Variants in ARRB1 observed in about 807,000 individuals in gnomAD.
The protein encoded by ARRB1 is arrestin beta 1.
ARRB1 carries 21 observed loss-of-function variants against 56.8 expected under a neutral mutation model. The observed-to-expected ratio is 0.37, with a 90% CI of 0.26 to 0.53. The LOEUF is 0.53. Among genes scored for constraint, ARRB1 ranks in the 20% least tolerant of loss-of-function variants. The pLI is 0.88. For missense variants in ARRB1, 424 were observed against 553.7 expected (o/e 0.77, Z 2.35); for synonymous variants, 210 against 218.6 (o/e 0.96, Z 0.35).
Position 75,272,258 on chromosome 11 carries a change from TTAAG to T in ARRB1, c.999-538_999-535del, listed in dbSNP as rs373001515. Among the ~76,000 whole-genome samples, 123 of 152,338 alleles carry T rather than the reference TTAAG, an allele frequency of 8.1e-4. No homozygotes were observed. The South Asian group carries it at 0.016, about 20-fold the overall frequency. On this transcript the variant is annotated intron_variant, in intron 12 of 15. Transcript: ENST00000420843. ...CAATCTTTTCATAGAAATTTATGAA[TTAAG>T]TTACAAAAAAGAAACACAGTAGTTT... is the stretch of plus-strand genomic sequence containing the variant.
intron 1 of ARRB1, among the ~76,000 whole-genome samples, chr11:75,305,703 C>A (rs1251854192): frequency 6.6e-6 from 1 of 152,158 alleles, no homozygotes; most frequent in East Asian, 1.9e-4. Flanking sequence ...CAGCACCAGC[C>A]TGCTGTATGG....
chr11:75,267,562 A>G (rs1945953973), intron 15 of ARRB1, 90 bp downstream of exon 15: 2 of 1,337,690 alleles, frequency 1.5e-6, no homozygotes, highest in Non-Finnish European at 1.0e-6. Flanking sequence ...GCGGCTCCTC[A>G]GGAGTTAATA....
chr11:75,277,483 A>G, intron 8 of ARRB1, 35 bp from the exon 9 acceptor site: 1 of 1,580,762 alleles, frequency 6.3e-7, no homozygotes, highest in South Asian at 1.1e-5. Context: ...GTTGGCTGGG[A>G]GGACAGCAAG....
chr11:75,322,638 C>A (rs1019588678), intron 1 of ARRB1, among the ~76,000 whole-genome samples: 9 of 152,206 alleles, frequency 5.9e-5, no homozygotes, highest in African/African-American at 2.2e-4. Context: ...AAGGCCAGAT[C>A]AGAAGTGTGG....
rs1299055298 is a variant in ARRB1 at position 75,312,157 on chromosome 11, C to A, written c.21-22118G>T. The stretch of plus-strand genomic sequence containing the variant: ...GCCTCTCCCTTCTCCTTCCTCCACC[C>A]TCGCCCTCCCCGGGGAGTGGTGAGC... On this transcript the variant is annotated intron_variant, in intron 1 of 15. Transcript: ENST00000420843. 6 of 1,289,050 alleles carry A rather than the reference C, an allele frequency of 4.7e-6. No individual in the cohort carries two copies. In the East Asian group the frequency reaches 3.3e-4, roughly 72 times the overall value. The allele number at this position is 1,289,050 out of a possible 1,614,324, so 79.9% of individuals were successfully genotyped here. A position where few individuals can be genotyped will look rare whatever the true frequency, so the allele number is the denominator to read the frequency against.
At chr11:75,282,197 G>A (rs72556396) in intron 5 of ARRB1, 176 bp from the exon 6 acceptor site, 2 of 601,030 alleles carry the variant, frequency 3.3e-6, no homozygotes, top group Non-Finnish European at 5.9e-6. Context: ...TAGATAAAGA[G>A]CTTTCTTTAT....
chr11:75,316,120 G>T (rs933192455), intron 1 of ARRB1, among the ~76,000 whole-genome samples: 1 of 152,158 alleles, frequency 6.6e-6, no homozygotes, highest in African/African-American at 2.4e-5. Context: ...CTGAGATCAG[G>T]AGTTCAAGAC....
intron 1 of ARRB1, among the ~76,000 whole-genome samples, chr11:75,327,700 T>C (rs1054073965): frequency 6.6e-6 from 1 of 151,900 alleles, no homozygotes; most frequent in Admixed American, 6.6e-5. Context: ...GCGATTCTCC[T>C]GCCTCAGCCT....
chr11:75,268,649 A>G (rs1945999211), intron 14 of ARRB1, among the ~76,000 whole-genome samples: 1 of 152,032 alleles, frequency 6.6e-6, no homozygotes, highest in African/African-American at 2.4e-5. Context: ...AGAGGCTCAA[A>G]GCATGGCCAA....
chr11:75,282,007 A>C lies in ARRB1; in HGVS notation c.369T>G (p.Leu123=). ...CCGGCTGCAGTGTCACAGAACATGGAAGGTTTGGAGGGATCTGTCAAGAAG... is the reference window on the plus strand; with the variant it reads ...CCGGCTGCAGTGTCACAGAACATGGCAGGTTTGGAGGGATCTGTCAAGAAG... ...YPFTFEIPPN[L]PCSVTLQPGP... is the part of the protein sequence containing the mutation. Residue 123 remains leucine, a synonymous_variant, in exon 6 of 16, where the codon CTT becomes CTG. Coordinates refer to ENST00000420843, the MANE Select transcript of ARRB1 (RefSeq NM_004041.5). The C allele has an allele frequency of 6.2e-7, 1 of 1,613,972 alleles. No homozygotes were observed. The highest frequency in any genetic ancestry group is 8.5e-7 in the Non-Finnish European group (1 of 1,179,964).
chr11:75,291,547 C>T (rs1001216687), intron 1 of ARRB1, among the ~76,000 whole-genome samples: 1 of 152,148 alleles, frequency 6.6e-6, no homozygotes, highest in Non-Finnish European at 1.5e-5. Flanking sequence ...AAGTGGAACT[C>T]ACTTGCCTTC....
At chr11:75,345,603 G>C (rs775672069) in intron 1 of ARRB1, among the ~76,000 whole-genome samples, 5 of 152,140 alleles carry the variant, frequency 3.3e-5, no homozygotes, top group Non-Finnish European at 7.4e-5. Flanking sequence ...TCTGAGGAGG[G>C]AGACATGGCT....
intron 1 of ARRB1, among the ~76,000 whole-genome samples, chr11:75,320,726 A>G (rs1433515875): frequency 6.6e-6 from 1 of 152,180 alleles, no homozygotes; most frequent in East Asian, 1.9e-4. Context: ...GCACAAACTC[A>G]AAAACATTGT....
At chr11:75,301,839 C>T (rs1565127376) in intron 1 of ARRB1, among the ~76,000 whole-genome samples, 1 of 152,228 alleles carries the variant, frequency 6.6e-6, no homozygotes, top group East Asian at 1.9e-4. Context: ...GAGTGTGGCC[C>T]TTCTGTTTAC....
At chr11:75,324,145 G>T (rs1402778540) in intron 1 of ARRB1, among the ~76,000 whole-genome samples, 1 of 152,178 alleles carries the variant, frequency 6.6e-6, no homozygotes, top group Non-Finnish European at 1.5e-5. Context: ...CTAATGTGGA[G>T]GGTTTTGTTG....
At chr11:75,329,853 G>T (rs1194711291) in intron 1 of ARRB1, among the ~76,000 whole-genome samples, 4 of 152,004 alleles carry the variant, frequency 2.6e-5, no homozygotes, top group Admixed American at 2.6e-4. Context: ...ATCTACCCAG[G>T]CATGGTAGCA....
chr11:75,340,232 A>G (rs1947674018), intron 1 of ARRB1, among the ~76,000 whole-genome samples: 1 of 152,206 alleles, frequency 6.6e-6, no homozygotes, highest in African/African-American at 2.4e-5. Flanking sequence ...GTTTCCTCTA[A>G]TGAGGCTTCC....
intron 1 of ARRB1, among the ~76,000 whole-genome samples, chr11:75,309,608 G>A (rs1258091192): frequency 6.6e-6 from 1 of 152,152 alleles, no homozygotes; most frequent in Admixed American, 6.5e-5. Flanking sequence ...GCTGGCTTAC[G>A]TGCTGTCACT....
intron 8 of ARRB1, among the ~76,000 whole-genome samples, chr11:75,278,262 C>T (rs1292008352): frequency 1.3e-5 from 2 of 152,174 alleles, no homozygotes; most frequent in African/African-American, 4.8e-5. Flanking sequence ...GGTCACGGCC[C>T]CCCACCGTGC....
Sources: gnomAD v4.1 joint callset for allele counts (sites outside exome capture counted in the v4.1 genomes callset) on GRCh38, gnomAD v4.1.1 for gene constraint, MANE v1.5 for transcripts, NCBI Gene and HGNC (gene_info 2026-07-23, HGNC 2026-07-21) for gene names.